Variants in FAXC observed in about 807,000 individuals in gnomAD.
FAXC encodes failed axon connections homolog.
A neutral mutation model predicts 41.9 loss-of-function variants in FAXC; 10 were observed. That is an observed-to-expected ratio of 0.24 (90% confidence interval 0.15 to 0.41). The LOEUF is 0.41. Among genes scored for constraint, FAXC ranks in the 10% least tolerant of loss-of-function variants. FAXC has a pLI of 1.00. For missense variants in FAXC, 399 were observed against 510.9 expected, an observed-to-expected ratio of 0.78 and a Z score of 2.11; for synonymous variants, 183 against 183.8, an observed-to-expected ratio of 1.00 and a Z score of 0.03.
intron 1 of FAXC, among the ~76,000 whole-genome samples, chr6:99,347,157 C>A (rs1397428949): frequency 6.6e-6 from 1 of 152,076 alleles, no homozygotes; most frequent in Non-Finnish European, 1.5e-5. Flanking sequence ...ATCCCAGCAA[C>A]TCAGCAGACT....
At chr6:99,313,575 T>A (rs1772226769) in intron 4 of FAXC, among the ~76,000 whole-genome samples, 1 of 152,256 alleles carries the variant, frequency 6.6e-6, no homozygotes, top group South Asian at 2.1e-4. Flanking sequence ...CAATTCAACT[T>A]TTCTTTTATA....
chr6:99,311,598 C>T (rs1464802381), intron 4 of FAXC, among the ~76,000 whole-genome samples: 2 of 152,080 alleles, frequency 1.3e-5, no homozygotes, highest in African/African-American at 4.8e-5. Flanking sequence ...TAAATACATA[C>T]ATACATACAT....
chr6:99,287,864 G>A (rs961062587), intron 5 of FAXC, among the ~76,000 whole-genome samples: 1 of 152,206 alleles, frequency 6.6e-6, no homozygotes, highest in African/African-American at 2.4e-5. Flanking sequence ...CAAAGATTTA[G>A]AAGGGGTATG....
intron 2 of FAXC, 67 bp downstream of exon 2, chr6:99,342,831 C>G (rs557853097): frequency 5.4e-4 from 784 of 1,462,784 alleles, no homozygotes; most frequent in Middle Eastern, 7.0e-4. Flanking sequence ...AATATTCCCC[C>G]CTTTAGTTAA....
chr6:99,331,066 T>C (rs1773009479), intron 3 of FAXC, among the ~76,000 whole-genome samples: 1 of 152,228 alleles, frequency 6.6e-6, no homozygotes, highest in Non-Finnish European at 1.5e-5. Flanking sequence ...TTCCTTCTGC[T>C]ACTAGGGACT....
chr6:99,325,730 CA>C (rs1220216497), intron 3 of FAXC, among the ~76,000 whole-genome samples: 1 of 151,684 alleles, frequency 6.6e-6, no homozygotes, highest in Non-Finnish European at 1.5e-5. Flanking sequence ...TCTAAATTCA[CA>C]AAAAAAAGTT....
chr6:99,336,123 C>G (rs1382108016), intron 2 of FAXC, among the ~76,000 whole-genome samples: 1 of 152,002 alleles, frequency 6.6e-6, no homozygotes, highest in Non-Finnish European at 1.5e-5. Flanking sequence ...ACTATGTTGC[C>G]CAGGCTGGTC....
At chr6:99,323,403 A>G (rs1306633480) in intron 4 of FAXC, 41 bp downstream of exon 4, 4 of 1,535,182 alleles carry the variant, frequency 2.6e-6, no homozygotes, top group Middle Eastern at 2.0e-4. Context: ...ATGCAAAAGG[A>G]AAGAATAGCA....
At chr6:99,335,562 T>C (rs972772854) in intron 2 of FAXC, among the ~76,000 whole-genome samples, 1 of 152,224 alleles carries the variant, frequency 6.6e-6, no homozygotes, top group African/African-American at 2.4e-5. Flanking sequence ...GGGCATCAGT[T>C]TAAGACTGTG....
chr6:99,338,849 T>G (rs183148066), intron 2 of FAXC, among the ~76,000 whole-genome samples: 160 of 152,326 alleles, frequency 1.1e-3, no homozygotes, highest in African/African-American at 3.5e-3. Context: ...CTGCTCTCTC[T>G]GGACTCCCCC....
chr6:99,336,414 T>G (rs888913742), intron 2 of FAXC, among the ~76,000 whole-genome samples: 8 of 152,220 alleles, frequency 5.3e-5, no homozygotes, highest in Admixed American at 2.0e-4. Flanking sequence ...AATAATACTT[T>G]TTCTTAACTT....
chr6:99,323,644 A>G lies in FAXC; in HGVS notation c.623T>C (p.Val208Ala). The G allele has an allele frequency of 6.2e-7, 1 of 1,614,146 alleles. No homozygotes were observed. Among genetic ancestry groups the G allele is most frequent in the Non-Finnish European group, 8.5e-7 (1 of 1,179,990 alleles). ...FYWTLAYCQW[V>A]DNLNETRKML... ...CTTCCGGGTCTCATTGAGATTGTCC[A>G]CCCACTGGCAATAAGCTAATGTCCT... The change falls in exon 4 of 6, where the codon GTG becomes GCG. Residue 208 changes from valine to alanine, a missense_variant. Val to Ala is a moderately conservative substitution (Grantham distance 64, BLOSUM62 0). This residue lies in a region of FAXC where 239 missense variants were observed against 352.7 expected (regional missense o/e 0.68). Transcript: ENST00000389677.
intron 5 of FAXC, among the ~76,000 whole-genome samples, chr6:99,288,947 C>G (rs529461672): frequency 1.3e-5 from 2 of 151,972 alleles, no homozygotes; most frequent in South Asian, 2.1e-4. Context: ...GACTGCTTGC[C>G]TGCCTCAGTT....
intron 4 of FAXC, among the ~76,000 whole-genome samples, chr6:99,318,306 C>CACAAAAAA (rs147852055): frequency 0.025 from 3,422 of 135,262 alleles, 132 homozygotes; most frequent in East Asian, 0.05. Context: ...CACACACACA[C>CACAAAAAA]AAAATAGAAG....
chr6:99,303,191 T>C (rs1219259526), intron 4 of FAXC, among the ~76,000 whole-genome samples: 1 of 152,184 alleles, frequency 6.6e-6, no homozygotes, highest in East Asian at 1.9e-4. Context: ...GCCCTGATGG[T>C]CTCATCAAAA....
Position 99,349,510 on chromosome 6 carries a change from C to T in FAXC, c.-138G>A. ...GCGGCGGCGACTGAGGAGGCGGCGG[C>T]GACTGAGGAGGCGGCGGCAGAGGAG... On this transcript the variant is annotated 5_prime_UTR_variant, in exon 1 of 6. Coordinates refer to ENST00000389677, the MANE Select transcript of FAXC (RefSeq NM_032511.4). 3 of 533,664 alleles carry T rather than the reference C, an allele frequency of 5.6e-6. No homozygotes were observed. Among genetic ancestry groups the T allele is most frequent in the South Asian group, 1.5e-4 (2 of 12,982 alleles). The allele number at this position is 533,664 out of a possible 1,614,324, so 33.1% of individuals were successfully genotyped here. A position where few individuals can be genotyped will look rare whatever the true frequency, so the allele number is the denominator to read the frequency against.
intron 1 of FAXC, among the ~76,000 whole-genome samples, chr6:99,348,031 G>C (rs539560929): frequency 1.3e-5 from 2 of 152,192 alleles, no homozygotes; most frequent in South Asian, 2.1e-4. Context: ...AAATATGTAC[G>C]TTAGGCCAAA....
intron 4 of FAXC, among the ~76,000 whole-genome samples, chr6:99,303,478 G>C (rs1771792829): frequency 6.6e-6 from 1 of 152,224 alleles, no homozygotes; most frequent in Non-Finnish European, 1.5e-5. Context: ...GACGTGTATA[G>C]GTGCTTGAGC....
Position 99,281,346 on chromosome 6 carries a change from C to T in FAXC, c.1048G>A (p.Glu350Lys), listed in dbSNP as rs150174883. ...AGCGGGGTGTGGGTTTTGCTGCCTT[C>T]GCTGCTCTCCTCAGACTCATAGATG... is the stretch of plus-strand genomic sequence containing the variant. ...NTIYESEESS[E>K]GSKTHTPLLD... is the part of the protein sequence containing the mutation. Residue 350 changes from glutamate (E) to lysine (K), a missense_variant, in exon 6 of 6, where the codon GAA becomes AAA. Around this residue, in one of 3 missense-constraint regions of FAXC, gnomAD observed 92 missense variants for 94.9 expected, o/e 0.97. Coordinates refer to ENST00000389677, the MANE Select transcript of FAXC (RefSeq NM_032511.4). 4.8e-5 allele frequency: 78 copies of T among 1,614,044 alleles called. No homozygotes were observed. The highest frequency in any genetic ancestry group is 6.6e-5 in the South Asian group (6 of 91,086).
Sources: allele counts gnomAD v4.1 joint callset (sites outside exome capture counted in the v4.1 genomes callset), GRCh38; gene constraint gnomAD v4.1.1; regional missense constraint gnomAD v4.1.1; transcripts MANE v1.5; gene names NCBI Gene and HGNC (gene_info 2026-07-23, HGNC 2026-07-21).